The following CSMD1 variants were observed in gnomAD, a reference collection of about 807,000 sequenced individuals.
The protein encoded by CSMD1 is CUB and Sushi multiple domains 1.
A neutral mutation model predicts 417.5 loss-of-function variants in CSMD1; 213 were observed. That is an observed-to-expected ratio of 0.51 (90% CI 0.46 to 0.57). The LOEUF is 0.57. Ranked by LOEUF, CSMD1 falls within the 20% of genes least tolerant of loss-of-function variation. CSMD1 has a pLI of 0.00. For synonymous variants in CSMD1, 2,862 were observed against 1,736.8 expected (o/e 1.65, Z -16.11); for missense variants, 6,923 against 4,529.7 (o/e 1.53, Z -15.17).
At chr8:4,377,579 G>A (rs1168196123) in intron 3 of CSMD1, among the ~76,000 whole-genome samples, 1 of 152,156 alleles carries the variant, frequency 6.6e-6, no homozygotes, top group South Asian at 2.1e-4. Flanking sequence ...TTGCGAAGAA[G>A]CCAAGTAAAT....
At chr8:4,124,444 A>AC (rs1206137886) in intron 3 of CSMD1, among the ~76,000 whole-genome samples, 1 of 152,158 alleles carries the variant, frequency 6.6e-6, no homozygotes, top group Non-Finnish European at 1.5e-5. Flanking sequence ...GAGGAAACCC[A>AC]CGAAGCTGCA....
At chr8:4,548,539 T>C (rs1306082602) in intron 2 of CSMD1, among the ~76,000 whole-genome samples, 2 of 152,198 alleles carry the variant, frequency 1.3e-5, no homozygotes, top group African/African-American at 4.8e-5. Flanking sequence ...ATGCCTTTCA[T>C]GTCACACTGA....
intron 5 of CSMD1, among the ~76,000 whole-genome samples, chr8:3,985,007 G>C (rs1020110364): frequency 6.6e-6 from 1 of 152,138 alleles, no homozygotes; most frequent in Middle Eastern, 3.4e-3. Context: ...GAAAATCACG[G>C]ATCTCATAAG....
In CSMD1 at chr8:3,273,400, G is replaced by C. The variant is rs1026730025; in HGVS notation, c.4153+10744C>G. Among the ~76,000 whole-genome samples the C allele has an allele frequency of 7.4e-4, 113 of 151,802 alleles. 1 individual carries two copies. In the South Asian group the frequency reaches 1.0e-2, roughly 13 times the overall value. On this transcript the variant is annotated intron_variant, in intron 26 of 69. Coordinates refer to ENST00000635120, the MANE Select transcript of CSMD1 (RefSeq NM_033225.6). ...ATATTGGTCTAAAATTCTCTTTTTT[G>C]GTTGTGTCTCTGCCAGGCTTTGGTA...
chr8:4,042,190 G>C (rs1310499332), intron 3 of CSMD1, among the ~76,000 whole-genome samples: 1 of 152,136 alleles, frequency 6.6e-6, no homozygotes, highest in Non-Finnish European at 1.5e-5. Flanking sequence ...TTCAGTAAGT[G>C]TAAAATGCAA....
intron 54 of CSMD1, among the ~76,000 whole-genome samples, chr8:2,983,881 A>G (rs1209110187): frequency 6.6e-6 from 1 of 152,224 alleles, no homozygotes; most frequent in Non-Finnish European, 1.5e-5. Flanking sequence ...CAAAAAGGAA[A>G]AGTAAAATCG....
At chr8:3,794,949 G>T (rs942730155) in intron 5 of CSMD1, among the ~76,000 whole-genome samples, 2 of 150,600 alleles carry the variant, frequency 1.3e-5, no homozygotes, top group African/African-American at 4.9e-5. Context: ...TATAGCTATA[G>T]ATATATATCT....
intron 3 of CSMD1, among the ~76,000 whole-genome samples, chr8:4,176,691 C>A (rs549437385): frequency 2.0e-5 from 3 of 150,786 alleles, no homozygotes; most frequent in African/African-American, 7.3e-5. Flanking sequence ...AGCCATCTCA[C>A]GTGCAGAGAC....
chr8:3,714,172 T>C (rs1801692408), intron 6 of CSMD1, among the ~76,000 whole-genome samples: 1 of 150,272 alleles, frequency 6.7e-6, no homozygotes, highest in Non-Finnish European at 1.5e-5. Context: ...ATATTACATA[T>C]TATATATGTA....
chr8:4,988,605 G>A lies in CSMD1; in HGVS notation c.85+5727C>T, dbSNP rs566366050. Among the ~76,000 whole-genome samples the A allele has an allele frequency of 2.6e-5, 4 of 152,214 alleles. No individual in the cohort carries two copies. In the South Asian group the frequency reaches 8.3e-4, roughly 32 times the overall value. Reference sequence around the variant, plus strand: ...GAATGTTTACAACACATTTAGAGTTGGTGGATGAGACAGGGTGCCTAATGG... The same window carrying A: ...GAATGTTTACAACACATTTAGAGTTAGTGGATGAGACAGGGTGCCTAATGG... On this transcript the variant is annotated intron_variant, in intron 1 of 69. Transcript: ENST00000635120.
chr8:4,007,350 T>A (rs1438641607), intron 4 of CSMD1, among the ~76,000 whole-genome samples: 1 of 152,202 alleles, frequency 6.6e-6, no homozygotes, highest in South Asian at 2.1e-4. Flanking sequence ...CATTTCCTCT[T>A]TTCCTCACTG....
At chr8:4,783,153 C>G (rs997682833) in intron 1 of CSMD1, among the ~76,000 whole-genome samples, 2 of 152,198 alleles carry the variant, frequency 1.3e-5, no homozygotes, top group African/African-American at 4.8e-5. Flanking sequence ...ATTCATCTCT[C>G]CAACCCACCT....
chr8:4,058,441 C>G (rs1211777265), intron 3 of CSMD1, among the ~76,000 whole-genome samples: 2 of 152,076 alleles, frequency 1.3e-5, no homozygotes, highest in East Asian at 1.9e-4. Flanking sequence ...TCGGCTGGGA[C>G]AATGGGGTTT....
At chr8:3,225,467 G>A (rs1798443357) in intron 27 of CSMD1, among the ~76,000 whole-genome samples, 1 of 151,704 alleles carries the variant, frequency 6.6e-6, no homozygotes. Flanking sequence ...TGCCTCCTCA[G>A]AATCACGCCG....
chr8:3,247,097 A>T (rs1178142131), intron 26 of CSMD1, among the ~76,000 whole-genome samples: 2 of 152,188 alleles, frequency 1.3e-5, no homozygotes, highest in Non-Finnish European at 2.9e-5. Flanking sequence ...ATATGGTGAG[A>T]AGCTGCCTGG....
intron 8 of CSMD1, among the ~76,000 whole-genome samples, chr8:3,609,662 G>C (rs1801791052): frequency 6.6e-6 from 1 of 151,330 alleles, no homozygotes; most frequent in Non-Finnish European, 1.5e-5. Context: ...CTGCAAATGA[G>C]CTCATCTACG....
intron 1 of CSMD1, among the ~76,000 whole-genome samples, chr8:4,647,213 C>T (rs1037850887): frequency 5.3e-5 from 8 of 150,514 alleles, no homozygotes; most frequent in Admixed American, 3.3e-4. Context: ...CAGAGTGTTT[C>T]GGGCGCCAGT....
chr8:4,934,488 CG>C (rs1807465897), intron 1 of CSMD1, among the ~76,000 whole-genome samples: 1 of 152,116 alleles, frequency 6.6e-6, no homozygotes. Flanking sequence ...ATAGAAAATA[CG>C]AAGAGCTTAT....
At chr8:4,942,674 C>T (rs774983803) in intron 1 of CSMD1, among the ~76,000 whole-genome samples, 1 of 152,146 alleles carries the variant, frequency 6.6e-6, no homozygotes, top group African/African-American at 2.4e-5. Flanking sequence ...TGAGTCACCG[C>T]ATATCACACT....
Sources: allele counts gnomAD v4.1 joint callset (sites outside exome capture counted in the v4.1 genomes callset), GRCh38; gene constraint gnomAD v4.1.1; transcripts MANE v1.5; gene names NCBI Gene and HGNC (gene_info 2026-07-23, HGNC 2026-07-21).